Variants in DNAJC13 observed in about 807,000 individuals in gnomAD.
DNAJC13 encodes the protein dnaJ homolog subfamily C member 13.
DNAJC13 carries 75 observed loss-of-function variants against 290.5 expected under a neutral mutation model. The ratio of observed to expected loss-of-function variants is 0.26; its 90% CI spans 0.21 to 0.31. The LOEUF (loss-of-function observed/expected upper bound fraction) is 0.31, where lower values mean the gene tolerates loss of function less well. Ranked by LOEUF, DNAJC13 falls within the 10% of genes least tolerant of loss-of-function variation. The probability of loss-of-function intolerance (pLI) is 1.00; values close to 1 mark genes in which losing one functional copy is unlikely to be tolerated. For missense variants in DNAJC13, 2,260 were observed against 2,674.5 expected (o/e 0.85, Z 3.42); for synonymous variants, 862 against 892.0 (o/e 0.97, Z 0.60).
intron 41 of DNAJC13, among the ~76,000 whole-genome samples, chr3:132,504,245 A>G (rs527807763): frequency 1.5e-3 from 227 of 150,786 alleles, no homozygotes; most frequent in Middle Eastern, 6.9e-3. Flanking sequence ...ATTGAGTCCA[A>G]TTTTCAGTGC....
intron 55 of DNAJC13, among the ~76,000 whole-genome samples, chr3:132,533,213 G>A (rs1282057953): frequency 6.6e-6 from 1 of 151,030 alleles, no homozygotes; most frequent in Non-Finnish European, 1.5e-5. Context: ...GTACCACCAT[G>A]CCCAGCTAAT....
chr3:132,484,360 T>C (rs1455727286), intron 28 of DNAJC13: 4 of 580,700 alleles, frequency 6.9e-6, no homozygotes, highest in Non-Finnish European at 1.3e-5. Context: ...TTGGCTCTTC[T>C]AGGGTACTGT....
chr3:132,433,813 C>T, intron 1 of DNAJC13, among the ~76,000 whole-genome samples: 1 of 152,234 alleles, frequency 6.6e-6, no homozygotes, highest in East Asian at 1.9e-4. Flanking sequence ...GAGGTCATTT[C>T]TGGTCCTCAA....
intron 3 of DNAJC13, among the ~76,000 whole-genome samples, 171 bp from the exon 4 acceptor site, chr3:132,447,150 T>C (rs558178358): frequency 1.2e-3 from 187 of 152,224 alleles, no homozygotes; most frequent in African/African-American, 4.0e-3. Flanking sequence ...TTTTTCTGAC[T>C]AAAAACCTTT....
chr3:132,465,343 T>A (rs1398497252), intron 17 of DNAJC13, among the ~76,000 whole-genome samples: 1 of 151,146 alleles, frequency 6.6e-6, no homozygotes, highest in Non-Finnish European at 1.5e-5. Flanking sequence ...AAAATAGGGT[T>A]TCTACTTATG....
At chr3:132,525,294 C>T (rs941588288) in intron 51 of DNAJC13, among the ~76,000 whole-genome samples, 3 of 152,104 alleles carry the variant, frequency 2.0e-5, no homozygotes, top group Admixed American at 6.6e-5. Flanking sequence ...GAGCCGAGAT[C>T]GCGCCATTGC....
intron 29 of DNAJC13, among the ~76,000 whole-genome samples, chr3:132,486,436 A>G (rs1934879909): frequency 6.6e-6 from 1 of 152,158 alleles, no homozygotes. Flanking sequence ...GGAAGGGATG[A>G]TTAAAAAACT....
intron 47 of DNAJC13, 79 bp from the exon 48 acceptor site, chr3:132,516,625 G>A (rs749356246): frequency 6.6e-7 from 1 of 1,524,072 alleles, no homozygotes; most frequent in Non-Finnish European, 8.9e-7. Flanking sequence ...ACTACATTCA[G>A]TTGAAATATG....
In DNAJC13 at chr3:132,523,521, G is replaced by C; in HGVS notation, c.5887-19G>C. ...AAGATTATTAAGTGACTTGACTGTG[G>C]TTCTTTCTCTATTTAAAGTTGCCTG... is the stretch of plus-strand genomic sequence containing the variant. On this transcript the variant is annotated intron_variant, in intron 50 of 55. Transcript: ENST00000260818. The C allele has an allele frequency of 1.2e-6, 2 of 1,605,140 alleles. No homozygotes were observed. Among genetic ancestry groups the C allele is most frequent in the Non-Finnish European group, 1.7e-6 (2 of 1,177,276 alleles).
Position 132,508,183 on chromosome 3 carries a change from G to A in DNAJC13, c.5115+830G>A, listed in dbSNP as rs967523642. Among the ~76,000 whole-genome samples the A allele has an allele frequency of 5.9e-5, 9 of 152,162 alleles. 1 individual carries two copies. Among genetic ancestry groups the A allele is most frequent in the Non-Finnish European group, 1.2e-4 (8 of 68,022 alleles). On this transcript the variant is annotated intron_variant, in intron 43 of 55. Transcript: ENST00000260818. ...AATTCTGTGAAGGCTGAGATAGAGG[G>A]TAAGGAAGCTGCAGAAGAAAAGTTT...
chr3:132,492,517 A>C lies in DNAJC13; in HGVS notation c.3727A>C (p.Asn1243His). 6.2e-7 allele frequency: 1 copy of C among 1,613,884 alleles called. No individual in the cohort carries two copies. The highest frequency in any genetic ancestry group is 8.5e-7 in the Non-Finnish European group (1 of 1,179,842). Residue 1243 changes from asparagine to histidine, a missense_variant, in exon 33 of 56, where the codon AAC becomes CAC. Asn to His is a moderately conservative substitution (Grantham distance 68). Coordinates refer to ENST00000260818, the MANE Select transcript of DNAJC13 (RefSeq NM_015268.4). Reference protein sequence around the residue: ...LYQYCPIPIINYPQLENELFC... With the variant: ...LYQYCPIPIIHYPQLENELFC... ...TCAGTATTGCCCCATTCCTATAATC[A>C]ACTATCCACAACTCGAAAATGAACT...
At chr3:132,430,196 C>A (rs937872056) in intron 1 of DNAJC13, among the ~76,000 whole-genome samples, 11 of 152,086 alleles carry the variant, frequency 7.2e-5, no homozygotes, top group African/African-American at 2.7e-4. Flanking sequence ...GGTTTATAGA[C>A]CTTCAAAAGC....
At chr3:132,486,553 T>C (rs1369533240) in intron 29 of DNAJC13, among the ~76,000 whole-genome samples, 1 of 152,222 alleles carries the variant, frequency 6.6e-6, no homozygotes, top group Admixed American at 6.5e-5. Flanking sequence ...AAGATACTTA[T>C]ATTGATAAAT....
intron 1 of DNAJC13, among the ~76,000 whole-genome samples, chr3:132,427,181 G>A (rs893549012): frequency 2.7e-5 from 4 of 145,496 alleles, no homozygotes; most frequent in Non-Finnish European, 3.0e-5. Context: ...TCCCAGGCTC[G>A]AGTGCAGTGG....
chr3:132,492,402 TTA>T lies in DNAJC13; in HGVS notation c.3624-10_3624-9del. The stretch of plus-strand genomic sequence containing the variant: ...CCTCATAAAGCTTGAATGGAGGTTT[TTA>T]TGATTGTAGGCGCCTGATGATAGAG... On this transcript the variant is annotated splice_polypyrimidine_tract_variant and intron_variant, in intron 32 of 55. Coordinates refer to ENST00000260818, the MANE Select transcript of DNAJC13 (RefSeq NM_015268.4). 1 of 1,613,420 alleles carries T rather than the reference TTA, an allele frequency of 6.2e-7. No homozygotes were observed. The highest frequency in any genetic ancestry group is 1.1e-5 in the South Asian group (1 of 90,970).
chr3:132,467,724 C>G (rs1036259714), intron 20 of DNAJC13, among the ~76,000 whole-genome samples: 5 of 152,198 alleles, frequency 3.3e-5, no homozygotes, highest in African/African-American at 4.8e-5. Flanking sequence ...CTCAGCCTCC[C>G]AAAGTGCTGG....
intron 35 of DNAJC13, among the ~76,000 whole-genome samples, chr3:132,495,496 T>G (rs535382041): frequency 1.3e-5 from 2 of 152,172 alleles, no homozygotes; most frequent in Non-Finnish European, 2.9e-5. Context: ...AGGTTTTAGG[T>G]GATACCATTG....
chr3:132,522,995 A>G lies in DNAJC13; in HGVS notation c.5841A>G (p.Leu1947=), dbSNP rs747775027. The part of the protein sequence containing the change: ...KVSTTVREMM[L]EHFKNQQDNP... ...CCACAACAGTTAGGGAAATGATGCT[A>G]GAGTAAGTAAAAACAAAGGTAATAA... is the stretch of plus-strand genomic sequence containing the variant. The change falls in exon 49 of 56, where the codon CTA becomes CTG. Residue 1947 remains leucine, a splice_region_variant and synonymous_variant. Transcript: ENST00000260818. 6.2e-7 allele frequency: 1 copy of G among 1,606,624 alleles called. No individual in the cohort carries two copies.
Position 132,538,737 on chromosome 3 carries a change from T to C in DNAJC13, c.*455T>C, listed in dbSNP as rs144003710. On this transcript the variant is annotated 3_prime_UTR_variant, in exon 56 of 56. Coordinates refer to ENST00000260818, the MANE Select transcript of DNAJC13 (RefSeq NM_015268.4). ...CCATCCTCCCCCCACCATCCAAGACTATTAGGTTTTGTCCCTGCACCCTTC... is the reference window on the plus strand; with the variant it reads ...CCATCCTCCCCCCACCATCCAAGACCATTAGGTTTTGTCCCTGCACCCTTC... The C allele has an allele frequency of 6.2e-4, 96 of 155,244 alleles. No individual in the cohort carries two copies. The highest frequency in any genetic ancestry group is 2.2e-3 in the African/African-American group (90 of 41,578). 9.6% of individuals were successfully genotyped at this position (155,244 alleles called of 1,614,324 possible).
Sources: allele counts gnomAD v4.1 joint callset (sites outside exome capture counted in the v4.1 genomes callset), GRCh38; gene constraint gnomAD v4.1.1; transcripts MANE v1.5; gene names NCBI Gene and HGNC (gene_info 2026-07-23, HGNC 2026-07-21).